The following METTL2B variants were observed in gnomAD, a reference collection of about 807,000 sequenced individuals.
METTL2B encodes tRNA N(3)-cytidine methyltransferase METTL2B.
Under a neutral mutation model 51.0 loss-of-function variants are expected in METTL2B, and 28 were observed. That is an observed-to-expected ratio of 0.55 (90% CI 0.41 to 0.75). The LOEUF is 0.75. Ranked by LOEUF, METTL2B falls within the 30% of genes least tolerant of loss-of-function variation. The pLI is 0.00. For synonymous variants in METTL2B, 128 were observed against 166.3 expected (o/e 0.77, Z 1.77); for missense variants, 313 against 460.7 (o/e 0.68, Z 2.93).
chr7:128,501,044 T>C, intron 8 of METTL2B, 76 bp downstream of exon 8: 1 of 1,601,754 alleles, frequency 6.2e-7, no homozygotes, highest in South Asian at 1.1e-5. Context: ...GAAGGAAAAC[T>C]ATCTGGCCCC....
intron 8 of METTL2B, 160 bp downstream of exon 8, chr7:128,501,128 C>T (rs1286846230): frequency 1.4e-5 from 14 of 985,350 alleles, no homozygotes; most frequent in Non-Finnish European, 1.6e-5. Context: ...GCTAGGCTAC[C>T]CATGGCAGCC....
intron 2 of METTL2B, 30 bp downstream of exon 2, chr7:128,477,203 A>G (rs771985333): frequency 6.2e-7 from 1 of 1,613,288 alleles, no homozygotes. Context: ...CGTTGGTATC[A>G]ACAGCCAGCG....
intron 6 of METTL2B, among the ~76,000 whole-genome samples, chr7:128,497,325 T>C (rs976204522): frequency 6.6e-6 from 1 of 152,144 alleles, no homozygotes; most frequent in Non-Finnish European, 1.5e-5. Context: ...AGCCCCTACA[T>C]TGAAAGAGCT....
intron 8 of METTL2B, chr7:128,501,173 C>T (rs1793022459): frequency 1.0e-6 from 1 of 985,456 alleles, no homozygotes; most frequent in South Asian, 4.7e-5. Flanking sequence ...CTGGCTTGTC[C>T]ATGCCTTCAG....
chr7:128,490,125 T>C (rs1332586314), intron 5 of METTL2B, among the ~76,000 whole-genome samples: 9 of 152,154 alleles, frequency 5.9e-5, no homozygotes, highest in Admixed American at 5.9e-4. Flanking sequence ...CAAAAAACCT[T>C]TCTTGCCATT....
At chr7:128,492,934 C>T (rs1792861521) in intron 5 of METTL2B, among the ~76,000 whole-genome samples, 1 of 151,880 alleles carries the variant, frequency 6.6e-6, no homozygotes, top group South Asian at 2.1e-4. Context: ...TGTGCTGTCT[C>T]TCTCCTTATG....
chr7:128,485,315 C>T (rs1294797836), intron 4 of METTL2B, among the ~76,000 whole-genome samples: 1 of 152,062 alleles, frequency 6.6e-6, no homozygotes, highest in East Asian at 1.9e-4. Context: ...ATAGGATCAC[C>T]TGAGCCCAGG....
intron 5 of METTL2B, 90 bp from the exon 6 acceptor site, chr7:128,493,714 C>T: frequency 6.7e-7 from 1 of 1,490,480 alleles, no homozygotes; most frequent in Non-Finnish European, 9.0e-7. Flanking sequence ...GAAGTAGCAA[C>T]AGTTACATTT....
At chr7:128,489,652 GGA>G (rs1321595923) in intron 5 of METTL2B, among the ~76,000 whole-genome samples, 2 of 118,238 alleles carry the variant, frequency 1.7e-5, no homozygotes, top group East Asian at 4.9e-4. Flanking sequence ...TTTTTGAGAC[GGA>G]GTCTCGCTCT....
intron 2 of METTL2B, chr7:128,477,997 G>A (rs1216028502): frequency 1.1e-5 from 5 of 444,134 alleles, no homozygotes; most frequent in South Asian, 4.7e-5. Context: ...CCAGAGGTAA[G>A]CAGTCAGTAG....
At chr7:128,489,923 C>T (rs189874195) in intron 5 of METTL2B, among the ~76,000 whole-genome samples, 2,569 of 152,188 alleles carry the variant, frequency 0.017, 74 homozygotes, top group African/African-American at 0.059. Flanking sequence ...CCACCGCGCC[C>T]GGCCGGCAAT....
chr7:128,495,246 A>G (rs1027014059), intron 6 of METTL2B, among the ~76,000 whole-genome samples: 1 of 152,164 alleles, frequency 6.6e-6, no homozygotes, highest in Non-Finnish European at 1.5e-5. Context: ...TGCTTTAAAT[A>G]AAACAACCTT....
Position 128,502,047 on chromosome 7 carries a change from T to C in METTL2B, c.*131T>C, listed in dbSNP as rs1406842464. ...AGGAGGCTGAGGCAGGGAGGATCCA[T>C]TGAGCCCAGGAGTCCAGCCTGGGCA... is the stretch of plus-strand genomic sequence containing the variant. On this transcript the variant is annotated 3_prime_UTR_variant, in exon 9 of 9. Coordinates refer to ENST00000262432, the MANE Select transcript of METTL2B (RefSeq NM_018396.3). The C allele has an allele frequency of 2.2e-6, 3 of 1,385,168 alleles. No homozygotes were observed. The highest frequency in any genetic ancestry group is 4.7e-5 in the East Asian group (2 of 42,802). 85.8% of individuals were successfully genotyped at this position (1,385,168 alleles called of 1,614,324 possible).
At chr7:128,484,004 G>C (rs1438725666) in intron 4 of METTL2B, 1 of 151,704 alleles carries the variant, frequency 6.6e-6, no homozygotes, top group Non-Finnish European at 1.5e-5. Flanking sequence ...GATTACAGGT[G>C]TGTGCCACTG....
rs868609660 is a variant in METTL2B, at chr7:128,502,617, C to T, written c.*701C>T. 2.2e-5 allele frequency: 10 copies of T among 453,470 alleles called. No individual in the cohort carries two copies. The highest frequency in any genetic ancestry group is 1.4e-4 in the East Asian group (2 of 14,268). The allele number at this position is 453,470 out of a possible 1,614,324, so 28.1% of individuals were successfully genotyped here. On this transcript the variant is annotated 3_prime_UTR_variant, in exon 9 of 9. Coordinates refer to ENST00000262432, the MANE Select transcript of METTL2B (RefSeq NM_018396.3). ...GTGGTCTTTGCTTTAATCTTAGTTC[C>T]GCCAGGCACGGTGGCTCACACCTGT...
intron 6 of METTL2B, among the ~76,000 whole-genome samples, chr7:128,494,500 G>A (rs189584200): frequency 1.3e-5 from 2 of 152,354 alleles, no homozygotes; most frequent in Admixed American, 1.3e-4. Context: ...CATTGGGAAA[G>A]AATGGGAAAT....
At chr7:128,491,691 G>A (rs1792835561) in intron 5 of METTL2B, among the ~76,000 whole-genome samples, 1 of 151,136 alleles carries the variant, frequency 6.6e-6, no homozygotes, top group African/African-American at 2.4e-5. Context: ...GCTTGAACCT[G>A]GGAAAGCAGA....
chr7:128,476,871 G>T lies in METTL2B; in HGVS notation c.106G>T (p.Ala36Ser), dbSNP rs771514640. 5 of 1,614,052 alleles carry T rather than the reference G, an allele frequency of 3.1e-6. No homozygotes were observed. Among genetic ancestry groups the T allele is most frequent in the South Asian group, 2.2e-5 (2 of 91,068 alleles). Residue 36 changes from alanine (A) to serine (S), a missense_variant, in exon 1 of 9, where the codon GCC (alanine) becomes TCC (serine). By Grantham distance (99) the Ala-to-Ser change is moderately conservative. Coordinates refer to ENST00000262432, the MANE Select transcript of METTL2B (RefSeq NM_018396.3). The stretch of plus-strand genomic sequence containing the variant: ...TCCGGCGCGCGTCTTCCACCACAAT[G>T]CCTGGTAATCACCCTGCCCCCTCGC... ...SDPARVFHHNAWDNVEWSEEQ... is the reference protein window; with the variant it reads ...SDPARVFHHNSWDNVEWSEEQ...
In METTL2B at chr7:128,502,791, G is replaced by A. The variant is rs1014351281; in HGVS notation, c.*875G>A. ...GTGGGTGCCTGTAATCCAGCTACTC[G>A]GGAGGCTGAGGCAGGAGAATCACTT... On this transcript the variant is annotated 3_prime_UTR_variant, in exon 9 of 9. Coordinates refer to ENST00000262432, the MANE Select transcript of METTL2B (RefSeq NM_018396.3). 13 of 321,270 alleles carry A rather than the reference G, an allele frequency of 4.0e-5. No individual in the cohort carries two copies. The highest frequency in any genetic ancestry group is 4.7e-5 in the Admixed American group (1 of 21,452). The allele number at this position is 321,270 out of a possible 1,614,324, so 19.9% of individuals were successfully genotyped here. A position where few individuals can be genotyped will look rare whatever the true frequency, so the allele number is the denominator to read the frequency against.
Sources: gnomAD v4.1 joint callset for allele counts (sites outside exome capture counted in the v4.1 genomes callset) on GRCh38, gnomAD v4.1.1 for gene constraint, MANE v1.5 for transcripts, NCBI Gene and HGNC (gene_info 2026-07-23, HGNC 2026-07-21) for gene names.